Variants in EIF4G1 observed in about 807,000 individuals in gnomAD.
The protein encoded by EIF4G1 is eukaryotic translation initiation factor 4 gamma 1.
EIF4G1 carries 4 observed loss-of-function variants against 187.8 expected under a neutral mutation model. The observed-to-expected ratio is 0.02, with a 90% confidence interval of 0.01 to 0.05. The LOEUF (loss-of-function observed/expected upper bound fraction) is 0.05. EIF4G1 is among the 10% of genes least tolerant of loss of function. The pLI, the probability that EIF4G1 is intolerant of heterozygous loss-of-function variation, is 1.00. For synonymous variants in EIF4G1, 844 were observed against 781.4 expected, an observed-to-expected ratio of 1.08 and a Z score of -1.34; for missense variants, 1,647 against 2,081.1, an observed-to-expected ratio of 0.79 and a Z score of 4.06.
rs141883383 is a variant in EIF4G1, at chr3:184,334,401, T to C, written c.4619-326T>C. ...TTTATGTATGATATATATAGGACTT[T>C]TAGCGATTTCCTGAATTCAGGAGTA... On this transcript the variant is annotated intron_variant, in intron 32 of 32. Transcript: ENST00000346169. The surrounding 1 kb of genome is among the most constrained non-coding windows in gnomAD (Gnocchi z 5.8). Among the ~76,000 whole-genome samples the C allele has an allele frequency of 0.027, 4,112 of 152,316 alleles. 101 individuals are homozygous for C. Among genetic ancestry groups the C allele is most frequent in the Middle Eastern group, 0.068 (20 of 294 alleles).
chr3:184,327,054 G>A (rs915096234), intron 23 of EIF4G1, 71 bp downstream of exon 23: 4 of 1,605,092 alleles, frequency 2.5e-6, no homozygotes, highest in Admixed American at 1.7e-5. Context: ...GTTGCCATAG[G>A]TTGGAAATTT....
In EIF4G1 at chr3:184,316,583, C is replaced by T. The variant is rs1722823137; in HGVS notation, c.147+365C>T. ...AGGTAAACACTCCAGCTGGTCCTTG[C>T]CTTTCTCTGTTCCCCAGCTTCTTCC... On this transcript the variant is annotated intron_variant, in intron 4 of 32. Coordinates refer to ENST00000346169, the MANE Select transcript of EIF4G1 (RefSeq NM_198241.3). 21 of 897,526 alleles carry T rather than the reference C, an allele frequency of 2.3e-5. 1 individual carries two copies. The highest frequency in any genetic ancestry group is 2.9e-5 in the Non-Finnish European group (17 of 585,480). 55.6% of individuals were successfully genotyped at this position (897,526 alleles called of 1,614,324 possible).
At chr3:184,326,655 G>A in intron 22 of EIF4G1, 26 bp downstream of exon 22, 1 of 1,605,378 alleles carries the variant, frequency 6.2e-7, no homozygotes, top group South Asian at 1.1e-5. Context: ...CAGGAGCTGG[G>A]TGGTTACCCG....
rs919763454 is a variant in EIF4G1 at position 184,335,187 on chromosome 3, A to G, written c.*279A>G. Reference sequence around the variant, plus strand: ...TGTCTTGGGGTGGGGAGGGGCACCAACGCCTGCCCCTGGGGTCCTTTTTTT... The same window carrying G: ...TGTCTTGGGGTGGGGAGGGGCACCAGCGCCTGCCCCTGGGGTCCTTTTTTT... On this transcript the variant is annotated 3_prime_UTR_variant, in exon 33 of 33. Transcript: ENST00000346169. The G allele has an allele frequency of 9.2e-6, 4 of 435,830 alleles. No homozygotes were observed. The highest frequency in any genetic ancestry group is 1.7e-5 in the Non-Finnish European group (4 of 239,214). The allele number at this position is 435,830 out of a possible 1,614,324, so 27.0% of individuals were successfully genotyped here. A position where few individuals can be genotyped will look rare whatever the true frequency, so the allele number is the denominator to read the frequency against.
At position 184,327,715 on chromosome 3, in the gene EIF4G1, G is replaced by T. The variant is rs372549450; in HGVS notation, c.3780+11G>T. 1.2e-6 allele frequency: 2 copies of T among 1,613,814 alleles called. No homozygotes were observed. The highest frequency in any genetic ancestry group is 2.7e-5 in the African/African-American group (2 of 74,914). ...CTCAATGACATGAAAGTAGGCAGTGGGAGCGGCGTGTGATTGAGGAGTGGG... is the reference window on the plus strand; with the variant it reads ...CTCAATGACATGAAAGTAGGCAGTGTGAGCGGCGTGTGATTGAGGAGTGGG... On this transcript the variant is annotated intron_variant, in intron 25 of 32. Coordinates refer to ENST00000346169, the MANE Select transcript of EIF4G1 (RefSeq NM_198241.3).
Position 184,331,742 on chromosome 3 carries a change from G to A in EIF4G1, c.4410G>A (p.Glu1470=), listed in dbSNP as rs749876264. 2.5e-6 allele frequency: 4 copies of A among 1,614,186 alleles called. No individual in the cohort carries two copies. The highest frequency in any genetic ancestry group is 8.5e-7 in the Non-Finnish European group (1 of 1,180,036). ...VFDWIEANLS[E]QQIVSNTLVR... ...CTCCCATACAGGCCAACCTGAGTGAGCAGCAGATAGTATCCAACACGTTAG... is the reference window on the plus strand; with the variant it reads ...CTCCCATACAGGCCAACCTGAGTGAACAGCAGATAGTATCCAACACGTTAG... Residue 1470 remains glutamate (E), a synonymous_variant, in exon 31 of 33, where the codon GAG becomes GAA. Transcript: ENST00000346169.
chr3:184,315,788 C>T lies in EIF4G1; in HGVS notation c.-9C>T. On this transcript the variant is annotated 5_prime_UTR_variant, in exon 3 of 33. Transcript: ENST00000346169. ...GTGCTGGGGGGACCCTGATGTGGCA[C>T]CAAATGAAATGAACAAAGCTCCACA... The T allele has an allele frequency of 6.4e-7, 1 of 1,551,676 alleles. No individual in the cohort carries two copies. The highest frequency in any genetic ancestry group is 8.7e-7 in the Non-Finnish European group (1 of 1,146,968).
At chr3:184,331,395 A>G (rs376219347) in intron 29 of EIF4G1, 31 bp downstream of exon 29, 16 of 1,614,086 alleles carry the variant, frequency 9.9e-6, no homozygotes, top group African/African-American at 1.3e-5. Flanking sequence ...TAATTCTAGC[A>G]TTTGAGGCTG....
At chr3:184,317,177 T>C (rs1212651142) in intron 4 of EIF4G1, 144 bp from the exon 5 acceptor site, 2 of 936,302 alleles carry the variant, frequency 2.1e-6, no homozygotes, top group East Asian at 4.8e-5. Flanking sequence ...CTTAGCCATT[T>C]GGTCAAGTGG....
intron 23 of EIF4G1, 70 bp downstream of exon 23, chr3:184,327,053 G>T (rs927944167): frequency 1.2e-6 from 2 of 1,605,770 alleles, no homozygotes; most frequent in East Asian, 4.5e-5. Context: ...TGTTGCCATA[G>T]GTTGGAAATT....
At position 184,327,427 on chromosome 3, in the gene EIF4G1, C is replaced by A. The variant is rs960792011; in HGVS notation, c.3640C>A (p.Arg1214=). The A allele has an allele frequency of 1.2e-6, 2 of 1,613,402 alleles. No individual in the cohort carries two copies. Among genetic ancestry groups the A allele is most frequent in the East Asian group, 2.2e-5 (1 of 44,874 alleles). The change falls in exon 24 of 33, where the codon CGG becomes AGG. Residue 1214 remains arginine (R), a synonymous_variant. Coordinates refer to ENST00000346169, the MANE Select transcript of EIF4G1 (RefSeq NM_198241.3). ...CAAGGCAGCTAGCCTCACGGAGGAT[C>A]GGGACCGTGGGCGGGATGCCGGTGA... ...LRKAASLTED[R]DRGRDAVKRE...
At position 184,335,118 on chromosome 3, in the gene EIF4G1, T is replaced by C; in HGVS notation, c.*210T>C. On this transcript the variant is annotated 3_prime_UTR_variant, in exon 33 of 33. Transcript: ENST00000346169. ...CCGCCAGGTGTCCCTCTCCTCCCCC[T>C]GGGGCACAGAGATATATTATATATA... is the stretch of plus-strand genomic sequence containing the variant. 1 of 618,202 alleles carries C rather than the reference T, an allele frequency of 1.6e-6. No homozygotes were observed. The highest frequency in any genetic ancestry group is 1.9e-5 in the South Asian group (1 of 53,458). The allele number at this position is 618,202 out of a possible 1,614,324, so 38.3% of individuals were successfully genotyped here.
chr3:184,315,837 C>CCCA lies in EIF4G1; in HGVS notation c.41_42insCCA (p.Pro14_Ser15insGln). 8 of 1,519,570 alleles carry CCCA rather than the reference C, an allele frequency of 5.3e-6. No homozygotes were observed. The highest frequency in any genetic ancestry group is 7.2e-6 in the Non-Finnish European group (8 of 1,118,256). The allele number at this position is 1,519,570 out of a possible 1,614,324, so 94.1% of individuals were successfully genotyped here. A position where few individuals can be genotyped will look rare whatever the true frequency, so the allele number is the denominator to read the frequency against. Reference sequence around the variant, plus strand: ...CAGTCCACAGGCCCCCCACCCGCCCCATCCCCCGGACTCCCACAGGTAATT... The same window carrying CCCA: ...CAGTCCACAGGCCCCCCACCCGCCCCCCAATCCCCCGGACTCCCACAGGTAATT... On this transcript the variant is annotated inframe_insertion, in exon 3 of 33. Coordinates refer to ENST00000346169, the MANE Select transcript of EIF4G1 (RefSeq NM_198241.3).
In EIF4G1 at chr3:184,321,555, T is replaced by G; in HGVS notation, c.971T>G (p.Ile324Arg). 6.2e-7 allele frequency: 1 copy of G among 1,614,196 alleles called. No homozygotes were observed. The stretch of plus-strand genomic sequence containing the variant: ...GAACCCACTCCTCTCGCCGAACCCA[T>G]ACTGGAAGTAGAAGTGACACTTAGC... The part of the protein sequence containing the change: ...SPEPTPLAEP[I>R]LEVEVTLSKP... The change falls in exon 10 of 33, where the codon ATA (isoleucine) becomes AGA (arginine). Residue 324 changes from isoleucine to arginine, a missense_variant. This residue lies in a region of EIF4G1 where 522 missense variants were observed against 485.2 expected (regional missense o/e 1.08). Transcript: ENST00000346169.
intron 28 of EIF4G1, among the ~76,000 whole-genome samples, chr3:184,330,091 TAAGA>T (rs979833717): frequency 2.0e-5 from 3 of 152,174 alleles, no homozygotes; most frequent in Non-Finnish European, 4.4e-5. Context: ...TATGCGCTGT[TAAGA>T]AAGAAAAGAC....
At chr3:184,332,626 G>C (rs948601877) in intron 32 of EIF4G1, among the ~76,000 whole-genome samples, 24 of 152,166 alleles carry the variant, frequency 1.6e-4, no homozygotes, top group African/African-American at 5.6e-4. Flanking sequence ...AGCCTGGGAA[G>C]ACGGGTGCTC....
intron 24 of EIF4G1, 43 bp downstream of exon 24, chr3:184,327,491 C>T (rs1725166708): frequency 6.2e-7 from 1 of 1,613,058 alleles, no homozygotes; most frequent in Admixed American, 1.7e-5. Flanking sequence ...CATTGGCTGC[C>T]TTGGGACTAG....
chr3:184,317,958 G>T, intron 6 of EIF4G1, 142 bp downstream of exon 6: 4 of 705,162 alleles, frequency 5.7e-6, no homozygotes, highest in Non-Finnish European at 1.0e-5. Flanking sequence ...AGGGATTGGT[G>T]CTTAATATTT....
chr3:184,326,550 C>G lies in EIF4G1; in HGVS notation c.3246C>G (p.Asn1082Lys). Reference protein sequence around the residue: ...ITKPGSIDSNNQLFAPGGRLS... With the variant: ...ITKPGSIDSNKQLFAPGGRLS... The stretch of plus-strand genomic sequence containing the variant: ...AGCCTGGCTCCATCGATTCTAACAA[C>G]CAGCTCTTTGCACCTGGAGGGCGAC... Residue 1082 changes from asparagine to lysine, a missense_variant, in exon 22 of 33, where the codon AAC (asparagine) becomes AAG (lysine). Physicochemically the swap from Asn to Lys is moderately conservative, Grantham distance 94. Transcript: ENST00000346169. The G allele has an allele frequency of 1.2e-6, 2 of 1,613,882 alleles. No homozygotes were observed. Among genetic ancestry groups the G allele is most frequent in the Non-Finnish European group, 1.7e-6 (2 of 1,180,042 alleles).
Sources: allele counts gnomAD v4.1 joint callset (sites outside exome capture counted in the v4.1 genomes callset), GRCh38; gene constraint gnomAD v4.1.1; regional missense constraint gnomAD v4.1.1; non-coding constraint Gnocchi (gnomAD v3.1); transcripts MANE v1.5; gene names NCBI Gene and HGNC (gene_info 2026-07-23, HGNC 2026-07-21).